The following GNAS variants were observed in gnomAD, a reference collection of about 807,000 sequenced individuals.
GNAS encodes the protein protein ALEX.
GNAS carries 8 observed loss-of-function variants against 54.5 expected under a neutral mutation model. That is an observed-to-expected ratio of 0.15 (90% CI 0.09 to 0.26). GNAS has a LOEUF of 0.26. Among genes scored for constraint, GNAS ranks in the 10% least tolerant of loss-of-function variants. The pLI is 1.00. For synonymous variants in GNAS, 204 were observed against 191.4 expected (o/e 1.07, Z -0.54); for missense variants, 170 against 529.8 (o/e 0.32, Z 6.67).
At chr20:58,908,694 T>G (rs2091241362) in intron 6 of GNAS, among the ~76,000 whole-genome samples, 1 of 152,174 alleles carries the variant, frequency 6.6e-6, no homozygotes, top group Non-Finnish European at 1.5e-5. Context: ...GCACAGAATG[T>G]GATAGGCCAG....
chr20:58,898,229 T>G (rs1054516011), intron 2 of GNAS: 4 of 152,268 alleles, frequency 2.6e-5, no homozygotes, highest in Admixed American at 6.5e-5. Flanking sequence ...TCCTACTGTT[T>G]ATGAAGATCG....
intron 1 of GNAS, chr20:58,848,864 C>G (rs2086044747): frequency 2.5e-6 from 1 of 398,466 alleles, no homozygotes; most frequent in African/African-American, 2.1e-5. Flanking sequence ...TGTTTCAGCT[C>G]TTAGCTCCAC....
chr20:58,880,896 C>T (rs1422309871), intron 1 of GNAS, among the ~76,000 whole-genome samples: 2 of 152,110 alleles, frequency 1.3e-5, no homozygotes, highest in African/African-American at 4.8e-5. Context: ...CTCTGCCTCC[C>T]CACCCAATAA....
At position 58,909,663 on chromosome 20, in the gene GNAS, G is replaced by A. The variant is rs755343676; in HGVS notation, c.719-21G>A. ...ATCAGGGTCGCTGCTCACGCTCTTG[G>A]CTTTGCTCTCTTTGGTTAAGATGTG... On this transcript the variant is annotated intron_variant, in intron 9 of 12. Transcript: ENST00000371085. The surrounding 1 kb of genome is among the most constrained non-coding windows in gnomAD (Gnocchi z 7.3). The A allele has an allele frequency of 1.9e-6, 3 of 1,614,020 alleles. No individual in the cohort carries two copies. The East Asian group carries it at 6.7e-5, about 36-fold the overall frequency.
At position 58,841,884 on chromosome 20, in the gene GNAS, GA is replaced by G. The variant is rs1280197030; in HGVS notation, c.43+1000del. ...TCGTCGCAAGTGGAAAGGTAAAGCG[GA>G]ACAAGGGACAGGCTGGAGACGGGGG... On this transcript the variant is annotated intron_variant, in intron 1 of 12. Coordinates refer to the GNAS transcript ENST00000306090. This position sits in a 1 kb window ranked among gnomAD's most constrained non-coding sequence, Gnocchi z 5.0. 8.1e-7 allele frequency: 1 copy of G among 1,231,336 alleles called. No homozygotes were observed. Among genetic ancestry groups the G allele is most frequent in the Non-Finnish European group, 1.0e-6 (1 of 987,992 alleles). 76.3% of individuals were successfully genotyped at this position (1,231,336 alleles called of 1,614,324 possible). A position where few individuals can be genotyped will look rare whatever the true frequency, so the allele number is the denominator to read the frequency against.
At chr20:58,843,939 T>C (rs560315848) in intron 1 of GNAS, 102 of 152,332 alleles carry the variant, frequency 6.7e-4, no homozygotes, top group African/African-American at 2.3e-3. Context: ...CAGTTTGGGA[T>C]TGTTTTGAGA....
At chr20:58,868,940 C>A (rs984405217) in intron 1 of GNAS, among the ~76,000 whole-genome samples, 60 of 152,300 alleles carry the variant, frequency 3.9e-4, no homozygotes, top group Non-Finnish European at 1.5e-5. Flanking sequence ...AAAAATTCAC[C>A]CTTGCGCCGG....
intron 1 of GNAS, among the ~76,000 whole-genome samples, chr20:58,868,894 T>C (rs1461919515): frequency 6.6e-6 from 1 of 152,216 alleles, no homozygotes; most frequent in East Asian, 1.9e-4. Flanking sequence ...GGCTGGCAGA[T>C]GGCGCTCGGC....
chr20:58,874,928 C>T (rs577445266), intron 1 of GNAS, among the ~76,000 whole-genome samples: 11 of 152,314 alleles, frequency 7.2e-5, no homozygotes, highest in African/African-American at 2.6e-4. Context: ...ACTTTCCTTT[C>T]ACAAATACTT....
chr20:58,892,001 G>C (rs548589280), intron 1 of GNAS, 136 bp downstream of exon 1: 32 of 770,690 alleles, frequency 4.2e-5, no homozygotes, highest in South Asian at 2.3e-4. Context: ...CTCTGTCTGT[G>C]GGGGGCGAGG....
chr20:58,909,294 A>G lies in GNAS; in HGVS notation c.586-56A>G, dbSNP rs1218243181. 3 of 1,587,236 alleles carry G rather than the reference A, an allele frequency of 1.9e-6. No homozygotes were observed. Among genetic ancestry groups the G allele is most frequent in the Non-Finnish European group, 8.7e-7 (1 of 1,155,690 alleles). On this transcript the variant is annotated intron_variant, in intron 7 of 12. Coordinates refer to ENST00000371085, the MANE Select transcript of GNAS (RefSeq NM_000516.7). This position sits in a 1 kb window ranked among gnomAD's most constrained non-coding sequence, Gnocchi z 7.3. ...TCCAGACCTTTGCTTTAGATTGGCA[A>G]TTATTACTGTTTCGGTTGGCTTTGG... is the stretch of plus-strand genomic sequence containing the variant.
intron 1 of GNAS, among the ~76,000 whole-genome samples, chr20:58,883,762 A>G (rs993325176): frequency 6.6e-6 from 1 of 152,076 alleles, no homozygotes; most frequent in African/African-American, 2.4e-5. Context: ...AATCAAGCAG[A>G]GGAAGGCTGC....
At chr20:58,900,507 C>T (rs545880818) in intron 3 of GNAS, 2 of 183,016 alleles carry the variant, frequency 1.1e-5, no homozygotes, top group South Asian at 2.0e-4. Flanking sequence ...TAGCTTCCCC[C>T]ACCACTTAGT....
intron 1 of GNAS, among the ~76,000 whole-genome samples, chr20:58,871,857 G>A (rs564255630): frequency 6.6e-6 from 1 of 152,294 alleles, no homozygotes; most frequent in South Asian, 2.1e-4. Flanking sequence ...TTCTAGTCCA[G>A]AACAGAGGAG....
At chr20:58,904,951 G>T (rs2090941548) in intron 5 of GNAS, among the ~76,000 whole-genome samples, 1 of 151,578 alleles carries the variant, frequency 6.6e-6, no homozygotes, top group African/African-American at 2.4e-5. Flanking sequence ...ATTTTTTTTG[G>T]TAAGATTCAC....
intron 3 of GNAS, 86 bp downstream of exon 3, chr20:58,899,071 G>A (rs2090353106): frequency 2.9e-6 from 3 of 1,037,928 alleles, no homozygotes; most frequent in African/African-American, 3.1e-5. Context: ...AGAGACCCGG[G>A]AAGAAAATAA....
chr20:58,891,363 G>C (rs1276148355), upstream of GNAS: 1 of 160,300 alleles, frequency 6.2e-6, no homozygotes, highest in Non-Finnish European at 1.2e-5. Context: ...CTTTTGGCTC[G>C]GGGCGGCGGC....
chr20:58,846,688 C>T (rs561268216), intron 1 of GNAS, among the ~76,000 whole-genome samples: 4 of 152,320 alleles, frequency 2.6e-5, no homozygotes, highest in African/African-American at 9.6e-5. Flanking sequence ...CTCCCCTCAA[C>T]CCCATGTGAG....
intron 1 of GNAS, chr20:58,884,408 T>C (rs2088451746): frequency 6.6e-6 from 1 of 152,228 alleles, no homozygotes; most frequent in South Asian, 2.1e-4. Context: ...GGGCTTCTTT[T>C]ATCTAAGGAA....
Sources: gnomAD v4.1 joint callset for allele counts (sites outside exome capture counted in the v4.1 genomes callset) on GRCh38, gnomAD v4.1.1 for gene constraint, Gnocchi (gnomAD v3.1) non-coding constraint, MANE v1.5 for transcripts, NCBI Gene and HGNC (gene_info 2026-07-23, HGNC 2026-07-21) for gene names.